Variants in CTNNA2 observed in about 807,000 individuals in gnomAD.
The protein encoded by CTNNA2 is catenin alpha 2.
CTNNA2 carries 42 observed loss-of-function variants against 101.0 expected under a neutral mutation model. The observed-to-expected ratio is 0.42, with a 90% confidence interval of 0.32 to 0.54. CTNNA2 has a LOEUF of 0.54. CTNNA2 is among the 20% of genes least tolerant of loss of function. The pLI, the probability that CTNNA2 is intolerant of heterozygous loss-of-function variation, is 0.14. For missense variants in CTNNA2, 871 were observed against 1,223.1 expected (o/e 0.71, Z 4.29); for synonymous variants, 450 against 456.4 (o/e 0.99, Z 0.18).
rs561631521 is a variant in CTNNA2 at position 80,472,120 on chromosome 2, A to C, written c.1290+52519A>C. On this transcript the variant is annotated intron_variant, in intron 9 of 18. Coordinates refer to ENST00000402739, the MANE Select transcript of CTNNA2 (RefSeq NM_001282597.3). ...GGGTGACAGAGCGAGACTCCATCTC[A>C]AAAAAAAAAAAGGTTAGAAAATATG... Among the ~76,000 whole-genome samples the C allele has an allele frequency of 2.0e-4, 10 of 50,772 alleles. No individual in the cohort carries two copies. The East Asian group carries it at 0.018, about 93-fold the overall frequency. The allele number at this position is 50,772 out of a possible 152,430, so 33.3% of individuals were successfully genotyped here.
intron 9 of CTNNA2, among the ~76,000 whole-genome samples, chr2:80,541,891 A>ATTTTTTT (rs1270026914): frequency 1.5e-4 from 22 of 146,244 alleles, no homozygotes; most frequent in South Asian, 4.4e-4. Context: ...TTTTTTCTAA[A>ATTTTTTT]TGTTTTTTAA....
At chr2:79,891,692 C>T (rs189424848) in intron 6 of CTNNA2, among the ~76,000 whole-genome samples, 211 of 152,156 alleles carry the variant, frequency 1.4e-3, no homozygotes, top group African/African-American at 4.9e-3. Flanking sequence ...AAATCTGGAT[C>T]AGCAAAATAA....
At chr2:80,375,773 C>A (rs987090480) in intron 7 of CTNNA2, among the ~76,000 whole-genome samples, 1 of 151,900 alleles carries the variant, frequency 6.6e-6, no homozygotes, top group African/African-American at 2.4e-5. Flanking sequence ...CTGTGTTAGC[C>A]AGGATGGTCT....
At chr2:79,835,768 G>A (rs11680294) in intron 3 of CTNNA2, among the ~76,000 whole-genome samples, 3,971 of 144,922 alleles carry the variant, frequency 0.027, 90 homozygotes, top group Non-Finnish European at 0.039. Flanking sequence ...AAGTAGCTGG[G>A]ACTACAGGCA....
At chr2:80,172,563 C>G (rs1705132907) in intron 7 of CTNNA2, among the ~76,000 whole-genome samples, 4 of 152,212 alleles carry the variant, frequency 2.6e-5, no homozygotes, top group Admixed American at 6.5e-5. Flanking sequence ...GGCTACACCT[C>G]AAGCCCACTG....
chr2:79,280,649 GT>G, intron 2 of CTNNA2, among the ~76,000 whole-genome samples: 1 of 142,126 alleles, frequency 7.0e-6, no homozygotes, highest in African/African-American at 2.8e-5. Flanking sequence ...GTGTGTGTGT[GT>G]GTGTGTAAGA....
chr2:80,306,400 T>TTTTCTTTTCTTTCTTTC (rs1491389570), intron 7 of CTNNA2, among the ~76,000 whole-genome samples: 152 of 109,250 alleles, frequency 1.4e-3, no homozygotes, highest in East Asian at 3.0e-3. Flanking sequence ...TTTTCTTTTC[T>TTTTCTTTTCTTTCTTTC]TTTCTTTCTT....
chr2:79,575,684 C>T (rs1675751150), intron 1 of CTNNA2: 1 of 152,158 alleles, frequency 6.6e-6, no homozygotes, highest in Non-Finnish European at 1.5e-5. Context: ...CTGCACATCG[C>T]AATACTCATC....
chr2:79,715,695 C>G (rs181107967), intron 2 of CTNNA2, among the ~76,000 whole-genome samples: 4,803 of 152,060 alleles, frequency 0.032, 236 homozygotes, highest in African/African-American at 0.11. Context: ...AGAGGAAATG[C>G]TTGGAGGGAG....
rs112187308 is a variant in CTNNA2 at position 79,949,110 on chromosome 2, A to G, written c.1056+39313A>G. 1.6e-3 allele frequency among the ~76,000 whole-genome samples: 251 copies of G among 152,346 alleles called. 3 individuals carry two copies. Among genetic ancestry groups the G allele is most frequent in the African/African-American group, 5.4e-3 (226 of 41,584 alleles). On this transcript the variant is annotated intron_variant, in intron 7 of 18. Transcript: ENST00000402739. ...TTTATCTGAACAAGAAAGATATTAT[A>G]TAAACTTTCAAATGCTGATGCATTT...
chr2:79,329,284 A>G (rs1268200072), intron 3 of CTNNA2, among the ~76,000 whole-genome samples: 1 of 152,168 alleles, frequency 6.6e-6, no homozygotes, highest in Non-Finnish European at 1.5e-5. Flanking sequence ...CCTAGAAACA[A>G]CATAGATGGG....
In CTNNA2 at chr2:79,584,025, T is replaced by C. The variant is rs1676313520; in HGVS notation, c.-5-67527T>C. Among the ~76,000 whole-genome samples, 3 of 152,186 alleles carry C rather than the reference T, an allele frequency of 2.0e-5. No homozygotes were observed. In the South Asian group the frequency reaches 6.2e-4, roughly 32 times the overall value. ...GGAAATGCTTTGTAGGCTATTTATT[T>C]CACATTACATCACTTAGGAGACATG... On this transcript the variant is annotated intron_variant, in intron 1 of 18. Coordinates refer to ENST00000402739, the MANE Select transcript of CTNNA2 (RefSeq NM_001282597.3).
intron 7 of CTNNA2, among the ~76,000 whole-genome samples, chr2:80,182,896 G>A (rs942914976): frequency 4.6e-5 from 7 of 152,160 alleles, no homozygotes; most frequent in African/African-American, 1.2e-4. Flanking sequence ...AGGGCAAGGC[G>A]TTGACCCAAA....
intron 6 of CTNNA2, among the ~76,000 whole-genome samples, chr2:79,884,443 G>T (rs1433956236): frequency 6.6e-6 from 1 of 152,136 alleles, no homozygotes; most frequent in Non-Finnish European, 1.5e-5. Context: ...TGTCTCCAGA[G>T]ACTGTCACTC....
rs1231243796 is a variant in CTNNA2, at chr2:80,255,927, C to A, written c.1057-137284C>A. The stretch of plus-strand genomic sequence containing the variant: ...ACCTTCCTGCCACCCTTCCCTCTGG[C>A]AGGTGGAATATTCCCAAGAGCTTTA... On this transcript the variant is annotated intron_variant, in intron 7 of 18. Coordinates refer to ENST00000402739, the MANE Select transcript of CTNNA2 (RefSeq NM_001282597.3). 2.6e-5 allele frequency among the ~76,000 whole-genome samples: 4 copies of A among 152,156 alleles called. No homozygotes were observed. The East Asian group carries it at 7.7e-4, about 29-fold the overall frequency.
intron 3 of CTNNA2, among the ~76,000 whole-genome samples, chr2:79,808,331 T>A (rs1008086136): frequency 6.6e-6 from 1 of 152,054 alleles, no homozygotes; most frequent in African/African-American, 2.4e-5. Flanking sequence ...GTTCAGAAAA[T>A]ATGTTGGCGA....
chr2:79,188,903 T>C (rs1240054579), intron 1 of CTNNA2, among the ~76,000 whole-genome samples: 2 of 152,210 alleles, frequency 1.3e-5, no homozygotes, highest in Non-Finnish European at 2.9e-5. Context: ...GTTATTTATT[T>C]GATTAAAGTA....
At chr2:79,509,886 A>G (rs2103820079), upstream of CTNNA2, among the ~76,000 whole-genome samples, 1 of 152,288 alleles carries the variant, frequency 6.6e-6, no homozygotes, top group African/African-American at 2.4e-5. Flanking sequence ...TTCTCACTCA[A>G]TTTTTCTGTG....
At chr2:80,071,303 G>C (rs2148779168) in intron 7 of CTNNA2, among the ~76,000 whole-genome samples, 1 of 152,306 alleles carries the variant, frequency 6.6e-6, no homozygotes, top group South Asian at 2.1e-4. Context: ...TAGTAACAAA[G>C]TTTTGCTGAA....
Sources: gnomAD v4.1 joint callset for allele counts (sites outside exome capture counted in the v4.1 genomes callset) on GRCh38, gnomAD v4.1.1 for gene constraint, MANE v1.5 for transcripts, NCBI Gene and HGNC (gene_info 2026-07-23, HGNC 2026-07-21) for gene names.